The following IGF2BP1 variants were observed in gnomAD, a reference collection of about 807,000 sequenced individuals.
The protein encoded by IGF2BP1 is insulin like growth factor 2 mRNA binding protein 1, also known as insulin-like growth factor 2 mRNA-binding protein 1.
A neutral mutation model predicts 74.9 loss-of-function variants in IGF2BP1; 11 were observed. The ratio of observed to expected loss-of-function variants is 0.15; its 90% CI spans 0.09 to 0.24. The LOEUF (loss-of-function observed/expected upper bound fraction) is 0.24, where lower values mean the gene tolerates loss of function less well. Among genes scored for constraint, IGF2BP1 ranks in the 10% least tolerant of loss-of-function variants. IGF2BP1 has a pLI of 1.00. For missense variants in IGF2BP1, 440 were observed against 757.4 expected, an observed-to-expected ratio of 0.58 and a Z score of 4.92; for synonymous variants, 287 against 281.8, an observed-to-expected ratio of 1.02 and a Z score of -0.18.
chr17:49,025,853 CTTTCT>C (rs1428314951), intron 3 of IGF2BP1, among the ~76,000 whole-genome samples, 187 bp downstream of exon 3: 1 of 140,366 alleles, frequency 7.1e-6, no homozygotes, highest in Non-Finnish European at 1.5e-5. Context: ...TCTTTCTTTT[CTTTCT>C]TTTTTTTTTT....
intron 5 of IGF2BP1, among the ~76,000 whole-genome samples, chr17:49,034,112 C>T (rs957426166): frequency 7.0e-6 from 1 of 143,192 alleles, no homozygotes; most frequent in African/African-American, 2.7e-5. Context: ...TCATGATTTG[C>T]CCCTTTTTTT....
chr17:49,031,315 A>C (rs1484292879), intron 4 of IGF2BP1, among the ~76,000 whole-genome samples: 1 of 151,416 alleles, frequency 6.6e-6, no homozygotes, highest in Non-Finnish European at 1.5e-5. Context: ...TGCCATGTTG[A>C]CCAGGCTGGT....
At chr17:49,027,312 ATC>A (rs1275284014) in intron 4 of IGF2BP1, among the ~76,000 whole-genome samples, 1 of 152,160 alleles carries the variant, frequency 6.6e-6, no homozygotes, top group African/African-American at 2.4e-5. Flanking sequence ...AAGAACAGAA[ATC>A]TTGCATTCAA....
intron 2 of IGF2BP1, among the ~76,000 whole-genome samples, chr17:49,023,397 C>G (rs1363791905): frequency 6.6e-6 from 1 of 152,166 alleles, no homozygotes; most frequent in African/African-American, 2.4e-5. Flanking sequence ...TGAAGACTCT[C>G]CACATTTAGA....
intron 14 of IGF2BP1, among the ~76,000 whole-genome samples, chr17:49,048,798 G>A (rs942948556): frequency 1.3e-5 from 2 of 152,056 alleles, no homozygotes; most frequent in Admixed American, 1.3e-4. Context: ...TGAAGTGCTC[G>A]AGGGATGCGC....
intron 2 of IGF2BP1, among the ~76,000 whole-genome samples, chr17:49,024,019 C>T (rs888051390): frequency 1.0e-4 from 15 of 149,462 alleles, no homozygotes; most frequent in African/African-American, 3.2e-4. Flanking sequence ...CTGGTTCAAG[C>T]GATCCTCCTG....
intron 11 of IGF2BP1, among the ~76,000 whole-genome samples, chr17:49,044,679 T>C (rs1336631046): frequency 2.6e-5 from 4 of 152,272 alleles, no homozygotes; most frequent in Non-Finnish European, 5.9e-5. Flanking sequence ...CCGTTGGTCA[T>C]TTCATTTGTG....
intron 2 of IGF2BP1, among the ~76,000 whole-genome samples, chr17:49,007,157 A>ACCTCCC (rs1241745602): frequency 3.3e-5 from 5 of 151,444 alleles, no homozygotes; most frequent in African/African-American, 1.2e-4. Context: ...AATGAGAGTG[A>ACCTCCC]CCTCCCCCAT....
At chr17:49,035,670 C>T (rs2041978222) in intron 5 of IGF2BP1, among the ~76,000 whole-genome samples, 1 of 152,170 alleles carries the variant, frequency 6.6e-6, no homozygotes, top group Non-Finnish European at 1.5e-5. Flanking sequence ...ACGGGGATGC[C>T]TTGCCCTCCG....
chr17:49,022,735 C>T (rs2041808232), intron 2 of IGF2BP1, among the ~76,000 whole-genome samples: 1 of 152,198 alleles, frequency 6.6e-6, no homozygotes, highest in Non-Finnish European at 1.5e-5. Context: ...TCCCCCATCC[C>T]CTCCACGAAA....
At chr17:49,027,892 T>C (rs1471777406) in intron 4 of IGF2BP1, among the ~76,000 whole-genome samples, 3 of 133,916 alleles carry the variant, frequency 2.2e-5, no homozygotes, top group Non-Finnish European at 3.1e-5. Flanking sequence ...GTTTGCCGGC[T>C]GGGCACAATG....
At chr17:49,010,754 C>T (rs1199358202) in intron 2 of IGF2BP1, among the ~76,000 whole-genome samples, 1 of 152,124 alleles carries the variant, frequency 6.6e-6, no homozygotes, top group Non-Finnish European at 1.5e-5. Flanking sequence ...GGCCAAGTCT[C>T]TGCCCTCCAG....
At chr17:49,039,519 G>A (rs1428744070) in intron 6 of IGF2BP1, among the ~76,000 whole-genome samples, 2 of 151,960 alleles carry the variant, frequency 1.3e-5, no homozygotes, top group Non-Finnish European at 2.9e-5. Context: ...CCTCCTCCCA[G>A]GTTCAAGCAA....
Position 49,042,309 on chromosome 17 carries a change from T to C in IGF2BP1, c.1009T>C (p.Cys337Arg), listed in dbSNP as rs113922999. ...ITVKGAIENCCRAEQEIMKKV... is the reference protein window; with the variant it reads ...ITVKGAIENCRRAEQEIMKKV... ...TGTGAAGGGGGCCATCGAGAATTGT[T>C]GCAGGGCCGAGCAGGAAATAATGAA... The change falls in exon 9 of 15, where the codon TGC becomes CGC. Residue 337 changes from cysteine to arginine, a missense_variant. Physicochemically the swap from Cys to Arg is radical, Grantham distance 180 (BLOSUM62 -3). Transcript: ENST00000290341. 1 of 1,613,916 alleles carries C rather than the reference T, an allele frequency of 6.2e-7. No individual in the cohort carries two copies. Among genetic ancestry groups the C allele is most frequent in the Non-Finnish European group, 8.5e-7 (1 of 1,179,944 alleles).
chr17:49,044,348 A>C (rs2042086769), intron 11 of IGF2BP1, among the ~76,000 whole-genome samples: 1 of 152,092 alleles, frequency 6.6e-6, no homozygotes, highest in Non-Finnish European at 1.5e-5. Context: ...ACACAAACTG[A>C]TGGGTTCAAA....
rs529457881 is a variant in IGF2BP1, at chr17:49,002,886, T to C, written c.236+3717T>C. ...TGCTGGTAGAAATCCTTAACTGTTC[T>C]CATTTGGGTGGTCAGTATTTCAAGA... is the stretch of plus-strand genomic sequence containing the variant. On this transcript the variant is annotated intron_variant, in intron 2 of 14. Coordinates refer to ENST00000290341, the MANE Select transcript of IGF2BP1 (RefSeq NM_006546.4). Among the ~76,000 whole-genome samples the C allele has an allele frequency of 3.9e-5, 6 of 152,288 alleles. No homozygotes were observed. In the South Asian group the frequency reaches 1.2e-3, roughly 32 times the overall value.
At chr17:49,005,756 G>T (rs1354256264) in intron 2 of IGF2BP1, among the ~76,000 whole-genome samples, 1 of 151,738 alleles carries the variant, frequency 6.6e-6, no homozygotes, top group African/African-American at 2.4e-5. Flanking sequence ...GTTAATTTTG[G>T]TTAAAAACTC....
chr17:48,998,088 C>T (rs532538051), intron 1 of IGF2BP1, among the ~76,000 whole-genome samples, 168 bp downstream of exon 1: 9 of 152,030 alleles, frequency 5.9e-5, no homozygotes, highest in Admixed American at 1.3e-4. Flanking sequence ...CCTCGCTCTG[C>T]GCCTCCCACC....
chr17:49,046,596 T>C (rs1167015349), intron 14 of IGF2BP1, among the ~76,000 whole-genome samples: 1 of 151,250 alleles, frequency 6.6e-6, no homozygotes, highest in African/African-American at 2.4e-5. Flanking sequence ...ATTTGACAAG[T>C]TTAATGTACA....
Sources: allele counts gnomAD v4.1 joint callset (sites outside exome capture counted in the v4.1 genomes callset), GRCh38; gene constraint gnomAD v4.1.1; transcripts MANE v1.5; gene names NCBI Gene and HGNC (gene_info 2026-07-23, HGNC 2026-07-21).